WWOX: variants seen among roughly 807,000 people sequenced by gnomAD.
The protein encoded by WWOX is WW domain containing oxidoreductase.
In WWOX, 69 loss-of-function variants were observed where a neutral mutation model predicts 46.2. The observed-to-expected ratio is 1.49, with a 90% CI of 1.23 to 1.82. WWOX has a LOEUF of 1.82. Among genes scored for constraint, WWOX ranks in the 40% most tolerant of loss-of-function variants. The probability of loss-of-function intolerance (pLI) is 0.00; values close to 1 mark genes in which losing one functional copy is unlikely to be tolerated. For missense variants in WWOX, 919 were observed against 542.6 expected (o/e 1.69, Z -6.89); for synonymous variants, 359 against 202.6 (o/e 1.77, Z -6.56).
chr16:78,690,010 G>A (rs11647935), intron 8 of WWOX, among the ~76,000 whole-genome samples: 51,623 of 151,670 alleles, frequency 0.34, 9,482 homozygotes, highest in African/African-American at 0.4. Context: ...ACAGGTGCCC[G>A]CCCCCATGCC....
chr16:79,190,071 G>A (rs55986698), intron 8 of WWOX, among the ~76,000 whole-genome samples: 29,004 of 151,854 alleles, frequency 0.19, 2,885 homozygotes, highest in Middle Eastern at 0.32. Context: ...TCACTGAGTC[G>A]CCCAGGGCGG....
rs185333392 is a variant in WWOX at position 78,288,129 on chromosome 16, G to A, written c.517-98731G>A. On this transcript the variant is annotated intron_variant, in intron 5 of 8. Coordinates refer to ENST00000566780, the MANE Select transcript of WWOX (RefSeq NM_016373.4). ...CTGCTACCTTCAAGACACTTCGTGT[G>A]GTCACCTCCAATTATAGACTAGGTT... 2.4e-3 allele frequency among the ~76,000 whole-genome samples: 364 copies of A among 151,844 alleles called. 3 individuals are homozygous for A. The highest frequency in any genetic ancestry group is 8.4e-3 in the African/African-American group (349 of 41,364).
intron 8 of WWOX, among the ~76,000 whole-genome samples, chr16:78,920,246 G>C (rs138014443): frequency 6.6e-6 from 1 of 152,288 alleles, no homozygotes; most frequent in Non-Finnish European, 1.5e-5. Flanking sequence ...CTTCCAGGAC[G>C]TGACACCTGA....
At chr16:79,155,683 T>C (rs1002160163) in intron 8 of WWOX, among the ~76,000 whole-genome samples, 3 of 152,126 alleles carry the variant, frequency 2.0e-5, no homozygotes, top group Non-Finnish European at 4.4e-5. Flanking sequence ...GATTTGGTTA[T>C]AGGAGGTCAG....
In WWOX at chr16:79,103,112, T is replaced by G. The variant is rs142403373; in HGVS notation, c.1057-108496T>G. ...GCAAATATTCACCTAAGTGGTTAAGTCTCTGGGCATATTTGTTGATCTCTG... is the reference window on the plus strand; with the variant it reads ...GCAAATATTCACCTAAGTGGTTAAGGCTCTGGGCATATTTGTTGATCTCTG... On this transcript the variant is annotated intron_variant, in intron 8 of 8. Transcript: ENST00000566780. 5.7e-3 allele frequency among the ~76,000 whole-genome samples: 861 copies of G among 152,296 alleles called. 5 individuals are homozygous for G. Among genetic ancestry groups the G allele is most frequent in the Middle Eastern group, 0.031 (9 of 294 alleles).
chr16:78,614,617 T>C (rs1022008376), intron 8 of WWOX, among the ~76,000 whole-genome samples: 2 of 152,176 alleles, frequency 1.3e-5, no homozygotes, highest in African/African-American at 4.8e-5. Context: ...TAGAGAGACA[T>C]AGGTGTATGG....
At chr16:78,601,454 G>A (rs374285774) in intron 8 of WWOX, among the ~76,000 whole-genome samples, 16 of 134,690 alleles carry the variant, frequency 1.2e-4, no homozygotes, top group African/African-American at 5.4e-5. Context: ...AAAAAAAAAA[G>A]AAAGGAAAAA....
Position 78,814,244 on chromosome 16 carries a change from A to C in WWOX, c.1056+381492A>C, listed in dbSNP as rs535862955. Among the ~76,000 whole-genome samples, 117 of 152,050 alleles carry C rather than the reference A, an allele frequency of 7.7e-4. 1 individual carries two copies. The highest frequency in any genetic ancestry group is 7.7e-3 in the South Asian group (37 of 4,810). Reference sequence around the variant, plus strand: ...AAATGTGCCTCCATCTTACATCAACAATTTTTCATCTTTCTGGAATTTTTA... The same window carrying C: ...AAATGTGCCTCCATCTTACATCAACCATTTTTCATCTTTCTGGAATTTTTA... On this transcript the variant is annotated intron_variant, in intron 8 of 8. Transcript: ENST00000566780.
chr16:78,451,807 C>T (rs55878257), intron 8 of WWOX, among the ~76,000 whole-genome samples: 10,276 of 152,118 alleles, frequency 0.068, 386 homozygotes, highest in East Asian at 0.091. Flanking sequence ...TTATCTGATC[C>T]CCAAACATAT....
intron 8 of WWOX, among the ~76,000 whole-genome samples, chr16:78,702,007 T>TTATATATATA (rs869227421): frequency 0.014 from 825 of 57,532 alleles, 6 homozygotes; most frequent in Non-Finnish European, 0.017. Context: ...CTACATAAAA[T>TTATATATATA]TATATATATA....
At chr16:78,706,815 G>A (rs369720958) in intron 8 of WWOX, among the ~76,000 whole-genome samples, 28 of 151,228 alleles carry the variant, frequency 1.9e-4, no homozygotes, top group African/African-American at 6.8e-4. Context: ...CTTTTTTTTT[G>A]GAGACAGATC....
intron 5 of WWOX, among the ~76,000 whole-genome samples, chr16:78,184,119 T>C (rs17573298): frequency 0.21 from 32,509 of 152,018 alleles, 3,522 homozygotes; most frequent in Middle Eastern, 0.3. Context: ...CCTTCCACCA[T>C]ATCAGAAGGT....
chr16:78,596,391 G>T (rs919690493), intron 8 of WWOX, among the ~76,000 whole-genome samples: 1 of 152,146 alleles, frequency 6.6e-6, no homozygotes, highest in African/African-American at 2.4e-5. Context: ...GTGTACATCA[G>T]TGAAGAGGTA....
At chr16:78,595,865 C>T (rs1263323884) in intron 8 of WWOX, among the ~76,000 whole-genome samples, 1 of 152,208 alleles carries the variant, frequency 6.6e-6, no homozygotes, top group African/African-American at 2.4e-5. Flanking sequence ...ATTCACCTTT[C>T]TGTGCAACAG....
intron 8 of WWOX, among the ~76,000 whole-genome samples, chr16:79,015,096 G>A (rs752309438): frequency 4.6e-5 from 7 of 152,154 alleles, no homozygotes; most frequent in Non-Finnish European, 8.8e-5. Context: ...TGGATGTGTC[G>A]GGGGCCACAG....
intron 4 of WWOX, among the ~76,000 whole-genome samples, chr16:78,117,959 A>G (rs969604296): frequency 6.6e-6 from 1 of 152,130 alleles, no homozygotes; most frequent in Non-Finnish European, 1.5e-5. Flanking sequence ...TGACTCCACA[A>G]TAAAAACATA....
chr16:79,087,971 A>G (rs62038831), intron 8 of WWOX, among the ~76,000 whole-genome samples: 30,004 of 151,954 alleles, frequency 0.2, 3,920 homozygotes, highest in East Asian at 0.66. Flanking sequence ...CTCCACTACC[A>G]TCTCCTTGGC....
Position 79,212,166 on chromosome 16 carries a change from G to A in WWOX, c.*370G>A, listed in dbSNP as rs1139446. The A allele has an allele frequency of 2.0e-5, 30 of 1,486,850 alleles. 1 individual carries two copies. The South Asian group carries it at 3.0e-4, about 15-fold the overall frequency. 92.1% of individuals were successfully genotyped at this position (1,486,850 alleles called of 1,614,324 possible). A position where few individuals can be genotyped will look rare whatever the true frequency, so the allele number is the denominator to read the frequency against. ...CTCGTCCCATCCAGCTACCACCACGGCCACCACTGCAGCCGGGGGCTGGCC... is the reference window on the plus strand; with the variant it reads ...CTCGTCCCATCCAGCTACCACCACGACCACCACTGCAGCCGGGGGCTGGCC... On this transcript the variant is annotated 3_prime_UTR_variant, in exon 9 of 9. Transcript: ENST00000566780.
intron 6 of WWOX, among the ~76,000 whole-genome samples, chr16:78,405,259 G>T (rs2082500856): frequency 6.6e-6 from 1 of 152,174 alleles, no homozygotes; most frequent in East Asian, 1.9e-4. Context: ...AGGGGACACA[G>T]CCGGTGCTGT....
Sources: gnomAD v4.1 joint callset for allele counts (sites outside exome capture counted in the v4.1 genomes callset) on GRCh38, gnomAD v4.1.1 for gene constraint, MANE v1.5 for transcripts, NCBI Gene and HGNC (gene_info 2026-07-23, HGNC 2026-07-21) for gene names.